Variants in NEIL1 observed in about 807,000 individuals in gnomAD.
The protein encoded by NEIL1 is endonuclease 8-like 1.
In NEIL1, 31 loss-of-function variants were observed where a neutral mutation model predicts 44.2. The observed-to-expected ratio is 0.70, with a 90% CI of 0.53 to 0.95. The LOEUF is 0.95. Ranked by LOEUF, NEIL1 falls within the 40% of genes least tolerant of loss-of-function variation. The pLI is 0.00. For missense variants in NEIL1, 549 were observed against 515.5 expected (o/e 1.07, Z -0.63); for synonymous variants, 254 against 209.7 (o/e 1.21, Z -1.83).
In NEIL1 at chr15:75,349,350, C is replaced by T. The variant is rs2071701931; in HGVS notation, c.434+11C>T. The T allele has an allele frequency of 3.8e-6, 6 of 1,590,576 alleles. No homozygotes were observed. The highest frequency in any genetic ancestry group is 5.1e-6 in the Non-Finnish European group (6 of 1,167,366). ...GTACCAGCAGTTCAGGTAGGGCCAGCACCAGGTGTGATGAACATAGTCGCG... is the reference window on the plus strand; with the variant it reads ...GTACCAGCAGTTCAGGTAGGGCCAGTACCAGGTGTGATGAACATAGTCGCG... On this transcript the variant is annotated intron_variant, in intron 2 of 9. Coordinates refer to ENST00000355059, the MANE Select transcript of NEIL1 (RefSeq NM_024608.4).
At chr15:75,350,187 C>T (rs1456875479) in intron 2 of NEIL1, among the ~76,000 whole-genome samples, 1 of 152,232 alleles carries the variant, frequency 6.6e-6, no homozygotes, top group Non-Finnish European at 1.5e-5. Flanking sequence ...TGCAGGTCAC[C>T]TCACATGGCA....
At chr15:75,348,627 G>A in intron 1 of NEIL1, 1 of 1,358,974 alleles carries the variant, frequency 7.4e-7, no homozygotes, top group Non-Finnish European at 9.5e-7. Context: ...AAACGCGGTG[G>A]AAGCCCATGG....
chr15:75,356,818 G>C lies in NEIL1; in HGVS notation c.*1784G>C. On this transcript the variant is annotated 3_prime_UTR_variant, in exon 10 of 10. Transcript: ENST00000355059. This position sits in a 1 kb window ranked among gnomAD's most constrained non-coding sequence, Gnocchi z 5.8. ...AGCGAGAGGCTGAGGATGCTGCCTC[G>C]CACTGACGCGCCATACTTGCAGTCG... 6.2e-7 allele frequency: 1 copy of C among 1,614,042 alleles called. No homozygotes were observed. Among genetic ancestry groups the C allele is most frequent in the South Asian group, 1.1e-5 (1 of 91,092 alleles).
rs1268342847 is a variant in NEIL1 at position 75,356,987 on chromosome 15, G to C, written c.*1953G>C. ...TCCAGAGCTCCTGTCACTAGGCCGA[G>C]CACAAGCTCTAGAACCACACAACTG... is the stretch of plus-strand genomic sequence containing the variant. On this transcript the variant is annotated 3_prime_UTR_variant, in exon 10 of 10. Coordinates refer to ENST00000355059, the MANE Select transcript of NEIL1 (RefSeq NM_024608.4). The surrounding 1 kb of genome is among the most constrained non-coding windows in gnomAD (Gnocchi z 5.8). The C allele has an allele frequency of 1.8e-6, 2 of 1,121,936 alleles. No homozygotes were observed. The highest frequency in any genetic ancestry group is 2.6e-6 in the Non-Finnish European group (2 of 756,272). 69.5% of individuals were successfully genotyped at this position (1,121,936 alleles called of 1,614,324 possible).
Position 75,354,975 on chromosome 15 carries a change from C to G in NEIL1, c.1114C>G (p.Pro372Ala), listed in dbSNP as rs774560712. ...GRQAASGHCRPRKVKADIPSL... is the reference protein window; with the variant it reads ...GRQAASGHCRARKVKADIPSL... The stretch of plus-strand genomic sequence containing the variant: ...TGTTCTTCCCCCAGGCCACTGCAGA[C>G]CCCGGAAGGTCAAGGCTGACATCCC... The change falls in exon 10 of 10, where the codon CCC becomes GCC. Residue 372 changes from proline (P) to alanine (A), a missense_variant. Coordinates refer to ENST00000355059, the MANE Select transcript of NEIL1 (RefSeq NM_024608.4). 6.2e-7 allele frequency: 1 copy of G among 1,613,990 alleles called. No individual in the cohort carries two copies. The highest frequency in any genetic ancestry group is 1.3e-5 in the African/African-American group (1 of 74,926).
rs778276716 is a variant in NEIL1 at position 75,353,752 on chromosome 15, CG to C, written c.735del (p.Ser246GlnfsTer23). 1.7e-5 allele frequency: 28 copies of C among 1,613,924 alleles called. No individual in the cohort carries two copies. Among genetic ancestry groups the C allele is most frequent in the Non-Finnish European group, 2.4e-5 (28 of 1,179,928 alleles). On this transcript the variant is annotated frameshift_variant, in exon 6 of 10. Coordinates refer to ENST00000355059, the MANE Select transcript of NEIL1 (RefSeq NM_024608.4). LOFTEE classifies it high-confidence loss of function. Reference sequence around the variant, plus strand: ...TCTGTCCCACAGGGGGCAAAGGCTACGGGTCAGAGAGCGGGGAGGAGGACTT... The same window carrying C: ...TCTGTCCCACAGGGGGCAAAGGCTACGGTCAGAGAGCGGGGAGGAGGACTT... ...EVVQLGGKGYGSESGEEDFAA... is the reference protein window; with the variant it reads ...EVVQLGGKGYXSESGEEDFAA...
intron 5 of NEIL1, chr15:75,353,056 G>A (rs985326439): frequency 1.8e-4 from 40 of 221,154 alleles, no homozygotes; most frequent in South Asian, 1.6e-3. Context: ...CAGGAAAATC[G>A]CTTAAACCCA....
chr15:75,349,527 A>C, intron 2 of NEIL1, 188 bp downstream of exon 2: 3 of 611,280 alleles, frequency 4.9e-6, no homozygotes, highest in Non-Finnish European at 5.6e-6. Flanking sequence ...CTCAAAACTA[A>C]TTGGGGGCCG....
intron 2 of NEIL1, 192 bp from the exon 3 acceptor site, chr15:75,351,919 G>A: frequency 1.8e-6 from 1 of 566,628 alleles, no homozygotes; most frequent in Non-Finnish European, 3.2e-6. Flanking sequence ...ACTGCACCTG[G>A]CCGTCCTTTC....
rs751903299 is a variant in NEIL1 at position 75,349,123 on chromosome 15, T to C, written c.218T>C (p.Leu73Pro). 1.9e-6 allele frequency: 3 copies of C among 1,611,432 alleles called. No individual in the cohort carries two copies. The highest frequency in any genetic ancestry group is 1.7e-5 in the Admixed American group (1 of 60,018). The part of the protein sequence containing the change: ...LPGAQPQQEP[L>P]ALVFRFGMSG... ...GGGGCCCAGCCCCAACAGGAGCCAC[T>C]GGCCCTGGTCTTCCGCTTCGGCATG... is the stretch of plus-strand genomic sequence containing the variant. The change falls in exon 2 of 10, where the codon CTG becomes CCG. Residue 73 changes from leucine (L) to proline (P), a missense_variant. Leu to Pro is a moderately conservative substitution (Grantham distance 98). Transcript: ENST00000355059.
At position 75,349,150 on chromosome 15, in the gene NEIL1, C is replaced by G. The variant is rs5745905; in HGVS notation, c.245C>G (p.Ser82Cys). The G allele has an allele frequency of 3.7e-5, 60 of 1,609,928 alleles. 1 individual carries two copies. The highest frequency in any genetic ancestry group is 3.4e-4 in the Middle Eastern group (2 of 5,880). ...PLALVFRFGM[S>C]GSFQLVPREE... The stretch of plus-strand genomic sequence containing the variant: ...GCCCTGGTCTTCCGCTTCGGCATGT[C>G]CGGCTCTTTTCAGCTGGTGCCCCGC... The change falls in exon 2 of 10, where the codon TCC (serine) becomes TGC (cysteine). Residue 82 changes from serine to cysteine, a missense_variant. By Grantham distance (112) the Ser-to-Cys change is moderately radical. Transcript: ENST00000355059.
At chr15:75,353,461 A>G (rs1242586904) in intron 5 of NEIL1, 2 of 451,100 alleles carry the variant, frequency 4.4e-6, no homozygotes, top group Non-Finnish European at 8.6e-6. Flanking sequence ...CCTGGCCCCT[A>G]GGGATTCTCC....
In NEIL1 at chr15:75,356,483, A is replaced by G. The variant is rs1401957960; in HGVS notation, c.*1449A>G. On this transcript the variant is annotated 3_prime_UTR_variant, in exon 10 of 10. Transcript: ENST00000355059. The surrounding 1 kb of genome is among the most constrained non-coding windows in gnomAD (Gnocchi z 5.8). ...CGACCAGGAAACAATGCTGGTGGAGAATGGGGGCTACCCTCCCCTGTCCCT... is the reference window on the plus strand; with the variant it reads ...CGACCAGGAAACAATGCTGGTGGAGGATGGGGGCTACCCTCCCCTGTCCCT... 5 of 1,574,816 alleles carry G rather than the reference A, an allele frequency of 3.2e-6. No homozygotes were observed. The highest frequency in any genetic ancestry group is 4.3e-6 in the Non-Finnish European group (5 of 1,162,228).
intron 2 of NEIL1, chr15:75,351,326 A>G (rs1219985922): frequency 1.6e-5 from 7 of 429,636 alleles, no homozygotes; most frequent in South Asian, 3.2e-5. Context: ...CCTAGGCTAG[A>G]GTACAGTGGC....
intron 9 of NEIL1, 63 bp downstream of exon 9, chr15:75,354,881 G>A: frequency 1.2e-6 from 2 of 1,612,534 alleles, no homozygotes; most frequent in Non-Finnish European, 1.7e-6. Context: ...GGTGGCCTAG[G>A]AGCGCGTGTA....
intron 1 of NEIL1, chr15:75,348,209 C>A: frequency 1.3e-6 from 1 of 752,134 alleles, no homozygotes; most frequent in Non-Finnish European, 1.6e-6. Flanking sequence ...CCTGCCCTGA[C>A]CCGGGGGCGG....
At position 75,348,983 on chromosome 15, in the gene NEIL1, C is replaced by A; in HGVS notation, c.78C>A (p.Cys26Ter). ...EACRALVFGGCVEKSSVSRNP... is the reference protein window; with the variant it reads ...EACRALVFGG ...GCAGGGCGCTGGTGTTCGGCGGCTG[C>A]GTGGAGAAGTCCTCTGTCAGCCGCA... is the stretch of plus-strand genomic sequence containing the variant. The change falls in exon 2 of 10, where the codon TGC becomes TGA. Residue 26 changes from cysteine (C) to a stop codon, truncating the protein, a stop_gained. Transcript: ENST00000355059. LOFTEE classifies it high-confidence loss of function. 1.2e-6 allele frequency: 2 copies of A among 1,613,592 alleles called. No individual in the cohort carries two copies. The highest frequency in any genetic ancestry group is 1.7e-6 in the Non-Finnish European group (2 of 1,179,960).
At position 75,353,863 on chromosome 15, in the gene NEIL1, C is replaced by T; in HGVS notation, c.843C>T (p.Phe281=). 1.2e-6 allele frequency: 2 copies of T among 1,612,516 alleles called. No individual in the cohort carries two copies. Among genetic ancestry groups the T allele is most frequent in the Non-Finnish European group, 1.7e-6 (2 of 1,179,958 alleles). ...ACCGGCATGGCCGTACCATCTGGTT[C>T]CAGGTTGGGCCCTACTGTTCACACA... ...LQDRHGRTIW[F]QGDPGPLAPK... Residue 281 remains phenylalanine (F), a synonymous_variant, in exon 6 of 10, where the codon TTC becomes TTT. Coordinates refer to ENST00000355059, the MANE Select transcript of NEIL1 (RefSeq NM_024608.4).
At position 75,352,603 on chromosome 15, in the gene NEIL1, G is replaced by C; in HGVS notation, c.620G>C (p.Ser207Thr). 1.9e-6 allele frequency: 3 copies of C among 1,612,650 alleles called. No homozygotes were observed. The highest frequency in any genetic ancestry group is 2.5e-6 in the Non-Finnish European group (3 of 1,179,380). The change falls in exon 5 of 10, where the codon AGC becomes ACC. Residue 207 changes from serine (S) to threonine (T), a missense_variant and splice_region_variant. Transcript: ENST00000355059. ...VLEALQQHRP[S>T]PELTLSQKIR... ...GTCCTGCCCCTGCCCCTTCCTCAGAGCCCGGAGCTGACCCTGAGCCAGAAG... is the reference window on the plus strand; with the variant it reads ...GTCCTGCCCCTGCCCCTTCCTCAGACCCCGGAGCTGACCCTGAGCCAGAAG...
Sources: allele counts gnomAD v4.1 joint callset (sites outside exome capture counted in the v4.1 genomes callset), GRCh38; gene constraint gnomAD v4.1.1; non-coding constraint Gnocchi (gnomAD v3.1); transcripts MANE v1.5; gene names NCBI Gene and HGNC (gene_info 2026-07-23, HGNC 2026-07-21).